The following STIM1 variants were observed in gnomAD, a reference collection of about 807,000 sequenced individuals.
STIM1 encodes the protein stromal interaction molecule 1.
A neutral mutation model predicts 74.7 loss-of-function variants in STIM1; 25 were observed. The ratio of observed to expected loss-of-function variants is 0.33; its 90% CI spans 0.24 to 0.47. The LOEUF (loss-of-function observed/expected upper bound fraction) is 0.47. Among genes scored for constraint, STIM1 ranks in the 20% least tolerant of loss-of-function variants. The pLI is 1.00. For missense variants in STIM1, 728 were observed against 920.8 expected, an observed-to-expected ratio of 0.79 and a Z score of 2.71; for synonymous variants, 328 against 348.8, an observed-to-expected ratio of 0.94 and a Z score of 0.66.
Position 3,925,077 on chromosome 11 carries a change from G to T in STIM1, c.140-42475G>T, listed in dbSNP as rs534156768. Among the ~76,000 whole-genome samples, 81 of 152,210 alleles carry T rather than the reference G, an allele frequency of 5.3e-4. 3 individuals are homozygous for T. The Middle Eastern group carries it at 0.01, about 19-fold the overall frequency. On this transcript the variant is annotated intron_variant, in intron 1 of 12. Transcript: ENST00000526596. ...TAATATATATTTTCTAACAGTATTT[G>T]CTGACAAAGGAATGCAGTTTTAAAA...
intron 2 of STIM1, among the ~76,000 whole-genome samples, chr11:4,018,220 C>T (rs949624470): frequency 6.6e-6 from 1 of 151,130 alleles, no homozygotes; most frequent in Admixed American, 6.6e-5. Flanking sequence ...GAGGCCGAGG[C>T]GGGTGGATCA....
chr11:3,877,777 A>C (rs757852343), intron 1 of STIM1, among the ~76,000 whole-genome samples: 2 of 152,146 alleles, frequency 1.3e-5, no homozygotes, highest in Non-Finnish European at 2.9e-5. Context: ...TCATATATGC[A>C]CAAGGGCCAG....
At chr11:3,939,686 AT>A (rs2092980938) in intron 1 of STIM1, among the ~76,000 whole-genome samples, 1 of 152,186 alleles carries the variant, frequency 6.6e-6, no homozygotes, top group Admixed American at 6.5e-5. Context: ...TACACACTAG[AT>A]CAACTGGTAT....
chr11:3,977,976 C>T (rs2093464831), intron 2 of STIM1, among the ~76,000 whole-genome samples: 1 of 152,100 alleles, frequency 6.6e-6, no homozygotes, highest in African/African-American at 2.4e-5. Context: ...GAGCCACTCC[C>T]AGCAGTGTGC....
At chr11:3,973,958 G>T (rs1590614405) in intron 2 of STIM1, 1 of 609,848 alleles carries the variant, frequency 1.6e-6, no homozygotes. Context: ...AGTTAAGTGG[G>T]CATGTGGTCT....
At chr11:4,082,834 C>T (rs2094472384) in intron 8 of STIM1, 48 bp from the exon 9 acceptor site, 1 of 1,530,100 alleles carries the variant, frequency 6.5e-7, no homozygotes, top group African/African-American at 1.4e-5. Flanking sequence ...TCATTTATTC[C>T]ATTCTCGAAT....
At chr11:3,857,295 A>G (rs1489170353) in intron 1 of STIM1, among the ~76,000 whole-genome samples, 1 of 151,840 alleles carries the variant, frequency 6.6e-6, no homozygotes, top group African/African-American at 2.4e-5. Context: ...TCTGTCGTCC[A>G]AGCTGGAATG....
intron 1 of STIM1, among the ~76,000 whole-genome samples, chr11:3,863,446 C>T (rs890553907): frequency 2.6e-5 from 4 of 151,768 alleles, no homozygotes; most frequent in Admixed American, 6.6e-5. Flanking sequence ...TTTGAAGAGA[C>T]GAGGTTTTTC....
At chr11:3,992,268 G>C (rs948415927) in intron 2 of STIM1, among the ~76,000 whole-genome samples, 1 of 151,098 alleles carries the variant, frequency 6.6e-6, no homozygotes, top group African/African-American at 2.4e-5. Flanking sequence ...ACAAAAATTA[G>C]CTAGGCATGG....
intron 1 of STIM1, among the ~76,000 whole-genome samples, chr11:3,860,384 C>T (rs530345736): frequency 3.1e-4 from 47 of 152,250 alleles, no homozygotes; most frequent in Non-Finnish European, 3.5e-4. Flanking sequence ...ATAACTTGCC[C>T]ATGTTTACAC....
chr11:4,056,289 G>A (rs968474088), intron 4 of STIM1, among the ~76,000 whole-genome samples: 6 of 152,184 alleles, frequency 3.9e-5, no homozygotes, highest in African/African-American at 4.8e-5. Context: ...TACTTTACAC[G>A]CTGAATATGC....
intron 1 of STIM1, among the ~76,000 whole-genome samples, chr11:3,874,406 C>T (rs1033629925): frequency 6.6e-6 from 1 of 152,190 alleles, no homozygotes; most frequent in Non-Finnish European, 1.5e-5. Context: ...ACACACCTAT[C>T]TTTTGAGGTA....
chr11:3,976,416 G>A (rs1417789211), intron 2 of STIM1, among the ~76,000 whole-genome samples: 2 of 152,172 alleles, frequency 1.3e-5, no homozygotes, highest in Non-Finnish European at 2.9e-5. Context: ...GGAAAGCATG[G>A]AGGAAGTTTT....
chr11:3,957,146 A>G (rs1032966596), intron 1 of STIM1, among the ~76,000 whole-genome samples: 4 of 152,180 alleles, frequency 2.6e-5, no homozygotes, highest in Non-Finnish European at 5.9e-5. Context: ...TTATAAACTG[A>G]CTGAGGTAAG....
intron 2 of STIM1, among the ~76,000 whole-genome samples, chr11:4,011,115 T>C (rs2093832095): frequency 6.6e-6 from 1 of 152,224 alleles, no homozygotes; most frequent in South Asian, 2.1e-4. Flanking sequence ...ATCCAGTCTG[T>C]TATTGATGGA....
intron 2 of STIM1, among the ~76,000 whole-genome samples, chr11:3,993,494 T>C (rs928605479): frequency 6.6e-5 from 10 of 152,166 alleles, no homozygotes; most frequent in African/African-American, 2.4e-4. Flanking sequence ...CTGTCTCTAC[T>C]AAAAATACAA....
At chr11:3,920,300 A>G (rs1314033184) in intron 1 of STIM1, among the ~76,000 whole-genome samples, 3 of 151,976 alleles carry the variant, frequency 2.0e-5, no homozygotes, top group South Asian at 2.1e-4. Flanking sequence ...AACCGTTACC[A>G]CTATCTAATT....
intron 1 of STIM1, among the ~76,000 whole-genome samples, chr11:3,887,107 T>C (rs2091740218): frequency 6.6e-6 from 1 of 151,906 alleles, no homozygotes; most frequent in African/African-American, 2.4e-5. Flanking sequence ...GGGACTAGTA[T>C]TGTACACAGT....
At chr11:3,912,884 T>G (rs924947646) in intron 1 of STIM1, among the ~76,000 whole-genome samples, 23 of 152,206 alleles carry the variant, frequency 1.5e-4, no homozygotes, top group Admixed American at 1.2e-3. Context: ...AAATCTTATG[T>G]GTACCACTTC....
Sources: allele counts gnomAD v4.1 joint callset (sites outside exome capture counted in the v4.1 genomes callset), GRCh38; gene constraint gnomAD v4.1.1; transcripts MANE v1.5; gene names NCBI Gene and HGNC (gene_info 2026-07-23, HGNC 2026-07-21).